The following NUP210 variants were observed in gnomAD, a reference collection of about 807,000 sequenced individuals.
NUP210 encodes the protein nuclear pore membrane glycoprotein 210.
In NUP210, 151 loss-of-function variants were observed where a neutral mutation model predicts 196.0. That is an observed-to-expected ratio of 0.77 (90% CI 0.67 to 0.88). The LOEUF (loss-of-function observed/expected upper bound fraction) is 0.88. NUP210 is among the 40% of genes least tolerant of loss of function. The pLI, the probability that NUP210 is intolerant of heterozygous loss-of-function variation, is 0.00. For synonymous variants in NUP210, 1,070 were observed against 1,052.7 expected (o/e 1.02, Z -0.32); for missense variants, 2,314 against 2,493.7 (o/e 0.93, Z 1.53).
Position 13,378,922 on chromosome 3 carries a change from AG to A in NUP210, c.1034del (p.Pro345LeufsTer4). On this transcript the variant is annotated frameshift_variant, in exon 8 of 40. Transcript: ENST00000254508. LOFTEE classifies it high-confidence loss of function. The stretch of plus-strand genomic sequence containing the variant: ...GAGGCCCACACTCACCTAGGTATCC[AG>A]GTTCGACCACGTAGATAGTGCTGTT... ...LPNSTIYVVE[P>X]GYLGFTVHPG... 1 of 1,613,602 alleles carries A rather than the reference AG, an allele frequency of 6.2e-7. No homozygotes were observed. The highest frequency in any genetic ancestry group is 8.5e-7 in the Non-Finnish European group (1 of 1,179,474).
chr3:13,398,848 T>G (rs1397675443), intron 2 of NUP210, among the ~76,000 whole-genome samples: 1 of 151,922 alleles, frequency 6.6e-6, no homozygotes, highest in Non-Finnish European at 1.5e-5. Flanking sequence ...GCAGGAGGAT[T>G]GCTTGAGTCC....
chr3:13,403,011 G>A lies in NUP210; in HGVS notation c.168-3150C>T, dbSNP rs143453747. 6.1e-3 allele frequency among the ~76,000 whole-genome samples: 933 copies of A among 152,232 alleles called. 8 individuals are homozygous for A. Among genetic ancestry groups the A allele is most frequent in the South Asian group, 0.018 (89 of 4,822 alleles). On this transcript the variant is annotated intron_variant, in intron 1 of 39. Transcript: ENST00000254508. ...CACACCTGCCATGGCAGTATCCTTC[G>A]GAACAGCACCACTGCCCTAAAAGTC...
At chr3:13,344,708 C>T (rs1485334413) in intron 20 of NUP210, 1 of 154,778 alleles carries the variant, frequency 6.5e-6, no homozygotes, top group African/African-American at 2.4e-5. Flanking sequence ...GCTCCTGCCT[C>T]CACTCCAGAT....
chr3:13,330,717 C>T, intron 29 of NUP210, 83 bp from the exon 30 acceptor site: 1 of 1,329,690 alleles, frequency 7.5e-7, no homozygotes, highest in East Asian at 2.4e-5. Flanking sequence ...ATCTAAGAGT[C>T]TGTGGCTCCT....
At position 13,375,507 on chromosome 3, in the gene NUP210, T is replaced by C; in HGVS notation, c.1428A>G (p.Ile476Met). ...QPKTGAYQYT[I>M]RAHGGSGNFS... ...AGAGGTGAGGGGTCTCACGTACCCTTATTGTGTACTGATAGGCGCCCGTCT... is the reference window on the plus strand; with the variant it reads ...AGAGGTGAGGGGTCTCACGTACCCTCATTGTGTACTGATAGGCGCCCGTCT... The change falls in exon 11 of 40, where the codon ATA (isoleucine) becomes ATG (methionine). Residue 476 changes from isoleucine (I) to methionine (M), a missense_variant. Transcript: ENST00000254508. 1 of 1,613,862 alleles carries C rather than the reference T, an allele frequency of 6.2e-7. No homozygotes were observed. The highest frequency in any genetic ancestry group is 8.5e-7 in the Non-Finnish European group (1 of 1,179,860).
At chr3:13,367,525 C>T (rs551467228) in intron 13 of NUP210, among the ~76,000 whole-genome samples, 1 of 152,318 alleles carries the variant, frequency 6.6e-6, no homozygotes, top group African/African-American at 2.4e-5. Flanking sequence ...GCAGCACCCA[C>T]ATCAACAAAT....
intron 26 of NUP210, 120 bp from the exon 27 acceptor site, chr3:13,337,038 G>C: frequency 7.9e-7 from 1 of 1,261,484 alleles, no homozygotes; most frequent in Middle Eastern, 1.9e-4. Flanking sequence ...AACTAGAGAA[G>C]AGCATGGCAC....
intron 9 of NUP210, among the ~76,000 whole-genome samples, 165 bp from the exon 10 acceptor site, chr3:13,376,596 G>T (rs1698919160): frequency 6.6e-6 from 1 of 152,158 alleles, no homozygotes; most frequent in Non-Finnish European, 1.5e-5. Context: ...CTGGGCCCTG[G>T]AACAGAGGTC....
intron 20 of NUP210, among the ~76,000 whole-genome samples, chr3:13,351,473 T>C (rs1300530722): frequency 6.6e-6 from 1 of 152,200 alleles, no homozygotes; most frequent in Admixed American, 6.5e-5. Context: ...TTATAGCTAA[T>C]GTGATTAAGT....
rs530790208 is a variant in NUP210 at position 13,373,085 on chromosome 3, T to C, written c.1587+633A>G. ...TGTCCCCAATACTGTAAGAGCAGGC[T>C]GCAGCTGGACTCCATGGGACACCCC... On this transcript the variant is annotated intron_variant, in intron 12 of 39. Coordinates refer to ENST00000254508, the MANE Select transcript of NUP210 (RefSeq NM_024923.4). Among the ~76,000 whole-genome samples, 3 of 152,284 alleles carry C rather than the reference T, an allele frequency of 2.0e-5. No homozygotes were observed. The South Asian group carries it at 6.2e-4, about 32-fold the overall frequency.
At chr3:13,390,789 A>G (rs1364821800) in intron 4 of NUP210, among the ~76,000 whole-genome samples, 1 of 152,170 alleles carries the variant, frequency 6.6e-6, no homozygotes, top group African/African-American at 2.4e-5. Flanking sequence ...TGGTCTTACT[A>G]TACCGCCATA....
Position 13,330,617 on chromosome 3 carries a change from A to G in NUP210, c.3953T>C (p.Leu1318Pro). 6.2e-7 allele frequency: 1 copy of G among 1,613,910 alleles called. No homozygotes were observed. Among genetic ancestry groups the G allele is most frequent in the Non-Finnish European group, 8.5e-7 (1 of 1,179,846 alleles). Residue 1318 changes from leucine to proline, a missense_variant, in exon 30 of 40, where the codon CTG becomes CCG. Physicochemically the swap from Leu to Pro is moderately conservative, Grantham distance 98. Coordinates refer to ENST00000254508, the MANE Select transcript of NUP210 (RefSeq NM_024923.4). ...LQTNRDGAAS[L>P]SYRVLDGPEK... ...GGGTCCATCCAGGACGCGGTAGCTC[A>G]GAGAGGCTGCACCATCCCTTTGGAA...
intron 6 of NUP210, among the ~76,000 whole-genome samples, chr3:13,382,840 T>C (rs190084068): frequency 1.3e-5 from 2 of 152,204 alleles, no homozygotes; most frequent in African/African-American, 4.8e-5. Flanking sequence ...GAATTATACC[T>C]CAATGAAAAA....
chr3:13,335,157 T>C (rs1397297769), intron 28 of NUP210, among the ~76,000 whole-genome samples: 1 of 152,214 alleles, frequency 6.6e-6, no homozygotes, highest in Non-Finnish European at 1.5e-5. Flanking sequence ...AAGCTCAGAA[T>C]TCTTTGCTCT....
At chr3:13,397,570 C>CT in intron 2 of NUP210, 82 bp from the exon 3 acceptor site, 1 of 1,420,390 alleles carries the variant, frequency 7.0e-7, no homozygotes, top group Non-Finnish European at 9.3e-7. Context: ...GGCTTACACT[C>CT]TGGCAAAGAC....
At position 13,317,813 on chromosome 3, in the gene NUP210, A is replaced by G. The variant is rs932223605; in HGVS notation, c.5564-32T>C. 10 of 1,486,522 alleles carry G rather than the reference A, an allele frequency of 6.7e-6. No individual in the cohort carries two copies. In the African/African-American group the frequency reaches 1.4e-4, roughly 21 times the overall value. 92.1% of individuals were successfully genotyped at this position (1,486,522 alleles called of 1,614,324 possible). ...TGGGAAGAGAGACGATGTTAGCAGC[A>G]GAGCCAGGGAAAGCGGCGCACTCTT... On this transcript the variant is annotated intron_variant, in intron 39 of 39. Coordinates refer to ENST00000254508, the MANE Select transcript of NUP210 (RefSeq NM_024923.4).
chr3:13,318,160 C>T (rs1015432657), intron 39 of NUP210, among the ~76,000 whole-genome samples: 2 of 152,228 alleles, frequency 1.3e-5, no homozygotes, highest in East Asian at 1.9e-4. Flanking sequence ...TTCTGCAGTG[C>T]TCCGGAGACC....
rs766086963 is a variant in NUP210 at position 13,341,752 on chromosome 3, A to G, written c.3224T>C (p.Ile1075Thr). ...TGTGGGAAGAACTCGTCTTACTTCA[A>G]TCTGTTGTGGGGCTGAGTTGATTCT... ...GQRINSAPQQIEVFPPFRLMP... is the reference protein window; with the variant it reads ...GQRINSAPQQTEVFPPFRLMP... The change falls in exon 23 of 40, where the codon ATT becomes ACT. Residue 1075 changes from isoleucine to threonine, a missense_variant. By Grantham distance (89) the Ile-to-Thr change is moderately conservative. Coordinates refer to ENST00000254508, the MANE Select transcript of NUP210 (RefSeq NM_024923.4). 7.4e-6 allele frequency: 12 copies of G among 1,614,164 alleles called. No homozygotes were observed. Among genetic ancestry groups the G allele is most frequent in the Non-Finnish European group, 1.0e-5 (12 of 1,180,024 alleles).
At chr3:13,409,754 C>G (rs1470801258) in intron 1 of NUP210, among the ~76,000 whole-genome samples, 1 of 151,934 alleles carries the variant, frequency 6.6e-6, no homozygotes, top group African/African-American at 2.4e-5. Flanking sequence ...CCCACCTTTA[C>G]CTGGTGCTGC....
Sources: gnomAD v4.1 joint callset for allele counts (sites outside exome capture counted in the v4.1 genomes callset) on GRCh38, gnomAD v4.1.1 for gene constraint, MANE v1.5 for transcripts, NCBI Gene and HGNC (gene_info 2026-07-23, HGNC 2026-07-21) for gene names.